The following GABRA4 variants were observed in gnomAD, a reference collection of about 807,000 sequenced individuals.
GABRA4 encodes gamma-aminobutyric acid receptor subunit alpha-4.
A neutral mutation model predicts 49.7 loss-of-function variants in GABRA4; 12 were observed. The observed-to-expected ratio is 0.24, with a 90% CI of 0.15 to 0.39. The LOEUF (loss-of-function observed/expected upper bound fraction) is 0.39. GABRA4 is among the 10% of genes least tolerant of loss of function. The probability of loss-of-function intolerance (pLI) is 1.00; values close to 1 mark genes in which losing one functional copy is unlikely to be tolerated. For missense variants in GABRA4, 506 were observed against 686.0 expected, an observed-to-expected ratio of 0.74 and a Z score of 2.93; for synonymous variants, 288 against 240.2, an observed-to-expected ratio of 1.20 and a Z score of -1.84.
intron 2 of GABRA4, among the ~76,000 whole-genome samples, chr4:46,988,518 G>T (rs1723621016): frequency 6.6e-6 from 1 of 152,168 alleles, no homozygotes; most frequent in African/African-American, 2.4e-5. Flanking sequence ...AATAAGGCTA[G>T]CACATGACAC....
chr4:46,988,582 T>A (rs543927605), intron 2 of GABRA4, among the ~76,000 whole-genome samples: 1 of 152,344 alleles, frequency 6.6e-6, no homozygotes, highest in South Asian at 2.1e-4. Context: ...CAAACACAAT[T>A]TGATTTTTGT....
At chr4:46,928,900 C>T in intron 8 of GABRA4, 145 bp from the exon 9 acceptor site, 1 of 586,858 alleles carries the variant, frequency 1.7e-6, no homozygotes, top group Non-Finnish European at 2.9e-6. Flanking sequence ...ATTTTAAAAA[C>T]CTTTAAAATA....
chr4:46,928,899 A>G (rs979642371), intron 8 of GABRA4, 144 bp from the exon 9 acceptor site: 23 of 591,110 alleles, frequency 3.9e-5, no homozygotes, highest in Non-Finnish European at 6.3e-5. Flanking sequence ...GATTTTAAAA[A>G]CCTTTAAAAT....
rs372039608 is a variant in GABRA4 at position 46,959,308 on chromosome 4, G to A, written c.1134+5662C>T. Among the ~76,000 whole-genome samples the A allele has an allele frequency of 4.6e-5, 7 of 152,088 alleles. No homozygotes were observed. In the East Asian group the frequency reaches 1.2e-3, roughly 25 times the overall value. On this transcript the variant is annotated intron_variant, in intron 8 of 8. Coordinates refer to ENST00000264318, the MANE Select transcript of GABRA4 (RefSeq NM_000809.4). ...CATTAATCACTGTCTTTAGACCACAGATAGTCTTCAAGTAAGCCACTGTGG... is the reference window on the plus strand; with the variant it reads ...CATTAATCACTGTCTTTAGACCACAAATAGTCTTCAAGTAAGCCACTGTGG...
intron 1 of GABRA4, 108 bp from the exon 2 acceptor site, chr4:46,993,054 A>ACCTCCTCTCCTTTAGCTTG: frequency 1.1e-6 from 1 of 873,668 alleles, no homozygotes; most frequent in Non-Finnish European, 1.8e-6. Flanking sequence ...GCTTGCCCCA[A>ACCTCCTCTCCTTTAGCTTG]GCTAAAGGAG....
intron 8 of GABRA4, among the ~76,000 whole-genome samples, chr4:46,930,660 A>G (rs1030856666): frequency 3.9e-5 from 6 of 152,046 alleles, no homozygotes; most frequent in African/African-American, 1.4e-4. Context: ...ATAATATGAT[A>G]GTTGCATACC....
chr4:46,950,436 C>A (rs571747571), intron 8 of GABRA4, among the ~76,000 whole-genome samples: 2 of 152,116 alleles, frequency 1.3e-5, no homozygotes, highest in Admixed American at 6.6e-5. Flanking sequence ...TTAATTATCT[C>A]TTTTGCTGTT....
rs1010881127 is a variant in GABRA4, at chr4:46,928,081, C to T, written c.*144G>A. ...TTTTTCACTCAGGAATTAATTAACT[C>T]TCCCAATAACTGGCTTATATCTTTA... On this transcript the variant is annotated 3_prime_UTR_variant, in exon 9 of 9. Transcript: ENST00000264318. The T allele has an allele frequency of 3.0e-6, 2 of 661,516 alleles. No individual in the cohort carries two copies. Among genetic ancestry groups the T allele is most frequent in the Non-Finnish European group, 4.8e-6 (2 of 419,742 alleles). The allele number at this position is 661,516 out of a possible 1,614,324, so 41.0% of individuals were successfully genotyped here.
intron 3 of GABRA4, among the ~76,000 whole-genome samples, chr4:46,978,410 G>A (rs559560232): frequency 1.2e-4 from 18 of 151,680 alleles, no homozygotes; most frequent in South Asian, 2.1e-4. Flanking sequence ...AAAAACAGCC[G>A]GGCACGGTGG....
chr4:46,949,323 G>A (rs191064765), intron 8 of GABRA4, among the ~76,000 whole-genome samples: 27 of 152,140 alleles, frequency 1.8e-4, no homozygotes, highest in Non-Finnish European at 3.5e-4. Context: ...TTACTATTTG[G>A]AAACATTTAA....
chr4:46,951,797 TG>T (rs2109358891), intron 8 of GABRA4, among the ~76,000 whole-genome samples: 1 of 33,930 alleles, frequency 2.9e-5, no homozygotes, highest in African/African-American at 8.9e-5. Context: ...TGTGTGTACG[TG>T]TGTGTGTGTG....
At position 46,922,264 on chromosome 4, in the gene GABRA4, T is replaced by C. The variant is rs2109928178; in HGVS notation, c.*5961A>G. On this transcript the variant is annotated 3_prime_UTR_variant, in exon 9 of 9. Coordinates refer to ENST00000264318, the MANE Select transcript of GABRA4 (RefSeq NM_000809.4). Reference sequence around the variant, plus strand: ...ACATAGGCCGCCCAAATGTCAAAAATAGATATAAAAATATGGTGCCTGGGC... The same window carrying C: ...ACATAGGCCGCCCAAATGTCAAAAACAGATATAAAAATATGGTGCCTGGGC... 1 of 152,114 alleles carries C rather than the reference T, an allele frequency of 6.6e-6. No homozygotes were observed. Among genetic ancestry groups the C allele is most frequent in the South Asian group, 2.1e-4 (1 of 4,818 alleles). The allele number at this position is 152,114 out of a possible 1,614,324, so 9.4% of individuals were successfully genotyped here. A position where few individuals can be genotyped will look rare whatever the true frequency, so the allele number is the denominator to read the frequency against.
chr4:46,971,048 T>A, intron 7 of GABRA4, 35 bp downstream of exon 7: 1 of 1,587,736 alleles, frequency 6.3e-7, no homozygotes, highest in Non-Finnish European at 8.6e-7. Flanking sequence ...AAATGTAATG[T>A]GAACAAAAAC....
intron 8 of GABRA4, among the ~76,000 whole-genome samples, chr4:46,945,381 G>A (rs1231102542): frequency 6.6e-6 from 1 of 152,102 alleles, no homozygotes; most frequent in East Asian, 1.9e-4. Flanking sequence ...GAGGCCCATG[G>A]ACACCAACCT....
intron 8 of GABRA4, among the ~76,000 whole-genome samples, chr4:46,947,729 G>T (rs1478539716): frequency 6.6e-6 from 1 of 152,048 alleles, no homozygotes; most frequent in East Asian, 1.9e-4. Context: ...AAGAGGCAGA[G>T]TCATTATTTG....
At chr4:46,992,969 C>G (rs570099732) in intron 1 of GABRA4, 23 bp from the exon 2 acceptor site, 3 of 1,419,764 alleles carry the variant, frequency 2.1e-6, no homozygotes, top group Non-Finnish European at 3.0e-6. Flanking sequence ...AAAAAAAAAC[C>G]GGGGGCGGAG....
chr4:46,985,439 A>T (rs1463427006), intron 2 of GABRA4, among the ~76,000 whole-genome samples: 1 of 152,004 alleles, frequency 6.6e-6, no homozygotes, highest in African/African-American at 2.4e-5. Flanking sequence ...AAAGACGTAT[A>T]AAAAGAAGGC....
chr4:46,952,268 G>A (rs1057306215), intron 8 of GABRA4, among the ~76,000 whole-genome samples: 1 of 152,006 alleles, frequency 6.6e-6, no homozygotes, highest in Non-Finnish European at 1.5e-5. Context: ...ATTATTCATC[G>A]TGGCAGCAAA....
chr4:46,976,954 T>A, intron 5 of GABRA4, 107 bp downstream of exon 5: 1 of 644,538 alleles, frequency 1.6e-6, no homozygotes. Flanking sequence ...CAGTTTTTGT[T>A]ATGGACCATG....
Sources: allele counts gnomAD v4.1 joint callset (sites outside exome capture counted in the v4.1 genomes callset), GRCh38; gene constraint gnomAD v4.1.1; transcripts MANE v1.5; gene names NCBI Gene and HGNC (gene_info 2026-07-23, HGNC 2026-07-21).